ACSM5: variants seen among roughly 807,000 people sequenced by gnomAD.
ACSM5 encodes the protein acyl-coenzyme A synthetase ACSM5, mitochondrial.
A neutral mutation model predicts 71.6 loss-of-function variants in ACSM5; 56 were observed. The ratio of observed to expected loss-of-function variants is 0.78; its 90% confidence interval spans 0.63 to 0.98. The LOEUF is 0.98. Among genes scored for constraint, ACSM5 ranks in the 50% least tolerant of loss-of-function variants. The pLI is 0.00. For missense variants in ACSM5, 723 were observed against 726.0 expected (o/e 1.00, Z 0.05); for synonymous variants, 285 against 281.5 (o/e 1.01, Z -0.12).
intron 5 of ACSM5, 131 bp downstream of exon 5, chr16:20,421,532 G>A (rs1464268677): frequency 1.2e-6 from 1 of 844,324 alleles, no homozygotes; most frequent in Admixed American, 4.0e-5. Flanking sequence ...GCCAATAGGA[G>A]CAGCTTAGGA....
In ACSM5 at chr16:20,436,666, G is replaced by A. The variant is rs190127498; in HGVS notation, c.1309-386G>A. 5.2e-3 allele frequency among the ~76,000 whole-genome samples: 792 copies of A among 152,152 alleles called. 9 individuals carry two copies. The highest frequency in any genetic ancestry group is 0.018 in the African/African-American group (742 of 41,510). ...ATTATAGGGATGAGCCACCACACCC[G>A]GCCTAGCCCTTCACTTTCTACCCTC... On this transcript the variant is annotated intron_variant, in intron 10 of 13. Coordinates refer to ENST00000331849, the MANE Select transcript of ACSM5 (RefSeq NM_017888.3).
At position 20,419,333 on chromosome 16, in the gene ACSM5, C is replaced by T; in HGVS notation, c.521C>T (p.Pro174Leu). 1 of 1,614,174 alleles carries T rather than the reference C, an allele frequency of 6.2e-7. No homozygotes were observed. Reference protein sequence around the residue: ...KSIITSDSLAPRVDAISAECP... With the variant: ...KSIITSDSLALRVDAISAECP... ...ATTATCACCAGTGACTCCCTAGCTC[C>T]AAGGGTGGATGCCATCAGTGCCGAA... is the stretch of plus-strand genomic sequence containing the variant. The change falls in exon 4 of 14, where the codon CCA (proline) becomes CTA (leucine). Residue 174 changes from proline to leucine, a missense_variant. Coordinates refer to ENST00000331849, the MANE Select transcript of ACSM5 (RefSeq NM_017888.3).
chr16:20,434,435 T>C (rs1967155842), intron 10 of ACSM5, among the ~76,000 whole-genome samples: 1 of 152,232 alleles, frequency 6.6e-6, no homozygotes, highest in African/African-American at 2.4e-5. Context: ...TGCTCACGAC[T>C]GTAATCCTAG....
intron 10 of ACSM5, among the ~76,000 whole-genome samples, chr16:20,436,253 CTCCCCTCCCG>C (rs1967197032): frequency 7.0e-6 from 1 of 143,734 alleles, no homozygotes; most frequent in Non-Finnish European, 1.5e-5. Context: ...CTCCTCTCCC[CTCCCCTCCCG>C]TCCCCTCCCC....
At chr16:20,421,816 A>G (rs928558870) in intron 5 of ACSM5, among the ~76,000 whole-genome samples, 10 of 151,674 alleles carry the variant, frequency 6.6e-5, no homozygotes, top group Non-Finnish European at 1.2e-4. Flanking sequence ...AATTTACTTT[A>G]TCTTTCCAAA....
chr16:20,418,904 AG>A (rs1034936206), intron 3 of ACSM5, among the ~76,000 whole-genome samples: 2 of 152,182 alleles, frequency 1.3e-5, no homozygotes, highest in African/African-American at 4.8e-5. Context: ...TATCCCTTGC[AG>A]GAGGTTAGGG....
At chr16:20,420,749 G>A (rs1450094986) in intron 4 of ACSM5, among the ~76,000 whole-genome samples, 3 of 152,122 alleles carry the variant, frequency 2.0e-5, no homozygotes, top group African/African-American at 4.8e-5. Context: ...TGTTCAGGGT[G>A]GATACAGACA....
chr16:20,427,721 T>G, intron 6 of ACSM5, 67 bp from the exon 7 acceptor site: 1 of 1,049,480 alleles, frequency 9.5e-7, no homozygotes, highest in Admixed American at 1.7e-5. Flanking sequence ...AAGATGCATT[T>G]GGCTCCATCT....
At chr16:20,426,145 A>C (rs1406925415) in intron 6 of ACSM5, among the ~76,000 whole-genome samples, 2 of 152,208 alleles carry the variant, frequency 1.3e-5, no homozygotes, top group African/African-American at 2.4e-5. Context: ...AGCTGGTATC[A>C]CATGGTGGAC....
chr16:20,430,183 C>T lies in ACSM5; in HGVS notation c.1125+382C>T, dbSNP rs900193408. ...CCATGTTACAAAAAAACGCTCGAAC[C>T]CAAAAAGCTATTGAAATACACACAC... On this transcript the variant is annotated intron_variant, in intron 8 of 13. Transcript: ENST00000331849. 6.1e-5 allele frequency among the ~76,000 whole-genome samples: 9 copies of T among 146,988 alleles called. No homozygotes were observed. The Admixed American group carries it at 6.2e-4, about 10-fold the overall frequency.
chr16:20,412,358 A>G (rs1363957540), intron 2 of ACSM5, among the ~76,000 whole-genome samples: 3 of 152,202 alleles, frequency 2.0e-5, no homozygotes, highest in African/African-American at 7.2e-5. Context: ...ACCTCAAAAA[A>G]TAAAATAAAA....
At chr16:20,424,176 G>A in intron 6 of ACSM5, 107 bp downstream of exon 6, 10 of 1,416,780 alleles carry the variant, frequency 7.1e-6, no homozygotes, top group South Asian at 1.4e-5. Context: ...TGAATTTAAG[G>A]CTTCTTTGGT....
At chr16:20,437,003 T>G (rs755047149) in intron 10 of ACSM5, 49 bp from the exon 11 acceptor site, 1 of 1,596,392 alleles carries the variant, frequency 6.3e-7, no homozygotes, top group Non-Finnish European at 8.6e-7. Flanking sequence ...GTAACTGGCC[T>G]TAGCAGTTGT....
At chr16:20,427,158 G>C (rs370125493) in intron 6 of ACSM5, among the ~76,000 whole-genome samples, 1 of 151,828 alleles carries the variant, frequency 6.6e-6, no homozygotes, top group Non-Finnish European at 1.5e-5. Context: ...AAAATTAGCC[G>C]GGCCTGGTGG....
At chr16:20,416,784 CTGAAAAATCACATATT>C (rs1478797745) in intron 2 of ACSM5, among the ~76,000 whole-genome samples, 1 of 151,970 alleles carries the variant, frequency 6.6e-6, no homozygotes, top group Non-Finnish European at 1.5e-5. Context: ...GAGAAAATAT[CTGAAAAATCACATATT>C]GGTTAAGGGT....
At chr16:20,422,890 A>G (rs575578009) in intron 5 of ACSM5, among the ~76,000 whole-genome samples, 1 of 152,298 alleles carries the variant, frequency 6.6e-6, no homozygotes, top group East Asian at 1.9e-4. Flanking sequence ...GGCCTGAACA[A>G]CTGGAAGCAC....
chr16:20,431,830 A>AT, intron 10 of ACSM5, among the ~76,000 whole-genome samples: 1 of 152,196 alleles, frequency 6.6e-6, no homozygotes, highest in Admixed American at 6.5e-5. Context: ...GCACGCCTCT[A>AT]TTCCCAGCTA....
chr16:20,424,017 C>A lies in ACSM5; in HGVS notation c.869C>A (p.Ser290Tyr). Residue 290 changes from serine (S) to tyrosine (Y), a missense_variant, in exon 6 of 14, where the codon TCT becomes TAT. Physicochemically the swap from Ser to Tyr is moderately radical, Grantham distance 144. Coordinates refer to ENST00000331849, the MANE Select transcript of ACSM5 (RefSeq NM_017888.3). The stretch of plus-strand genomic sequence containing the variant: ...CTCTTCTCTGCCTGGCCTAATGGAT[C>A]TTGCATTTTTGTGCATGAGCTGCCC... ...WTLFSAWPNG[S>Y]CIFVHELPRV... 6.2e-7 allele frequency: 1 copy of A among 1,614,162 alleles called. No individual in the cohort carries two copies. Among genetic ancestry groups the A allele is most frequent in the Non-Finnish European group, 8.5e-7 (1 of 1,180,018 alleles).
At chr16:20,429,857 C>T in intron 8 of ACSM5, 56 bp downstream of exon 8, 1 of 1,589,966 alleles carries the variant, frequency 6.3e-7, no homozygotes, top group Non-Finnish European at 8.6e-7. Flanking sequence ...GAGCTTCCTG[C>T]CTCTCCGGCT....
Sources: gnomAD v4.1 joint callset for allele counts (sites outside exome capture counted in the v4.1 genomes callset) on GRCh38, gnomAD v4.1.1 for gene constraint, MANE v1.5 for transcripts, NCBI Gene and HGNC (gene_info 2026-07-23, HGNC 2026-07-21) for gene names.